CHTF18: variants seen among roughly 807,000 people sequenced by gnomAD.
CHTF18 encodes the protein chromosome transmission fidelity factor 18, also known as chromosome transmission fidelity protein 18 homolog.
In CHTF18, 151 loss-of-function variants were observed where a neutral mutation model predicts 113.4. That is an observed-to-expected ratio of 1.33 (90% CI 1.17 to 1.52). The LOEUF (loss-of-function observed/expected upper bound fraction) is 1.52. CHTF18 is among the 40% of genes most tolerant of loss of function. The pLI is 0.00. For missense variants in CHTF18, 1,982 were observed against 1,381.6 expected, an observed-to-expected ratio of 1.43 and a Z score of -6.89; for synonymous variants, 916 against 598.8, an observed-to-expected ratio of 1.53 and a Z score of -7.74.
At chr16:791,807 T>G (rs1477106826) in intron 8 of CHTF18, 44 bp from the exon 9 acceptor site, 1 of 1,559,184 alleles carries the variant, frequency 6.4e-7, no homozygotes, top group Non-Finnish European at 8.7e-7. Context: ...GGGAGCGTCC[T>G]GTAGGTGCGG....
In CHTF18 at chr16:789,193, G is replaced by T. The variant is rs758962354; in HGVS notation, c.287-17G>T. ...AGGCTGAGGAGGCCTCTGGTTCCCT[G>T]CATGTGTCTCCCCCAGCCCCCAGGA... On this transcript the variant is annotated splice_polypyrimidine_tract_variant and intron_variant, in intron 2 of 21. Coordinates refer to ENST00000262315, the MANE Select transcript of CHTF18 (RefSeq NM_022092.3). The T allele has an allele frequency of 2.6e-6, 4 of 1,550,460 alleles. No homozygotes were observed. Among genetic ancestry groups the T allele is most frequent in the Non-Finnish European group, 3.5e-6 (4 of 1,147,146 alleles).
At chr16:790,431 C>A (rs776146021) in intron 6 of CHTF18, 32 bp downstream of exon 6, 2 of 1,611,912 alleles carry the variant, frequency 1.2e-6, no homozygotes, top group East Asian at 2.2e-5. Flanking sequence ...CCCTGGGGAC[C>A]CTTGTTGGCT....
chr16:790,761 G>A (rs1439983871), intron 7 of CHTF18, 95 bp downstream of exon 7: 2 of 1,444,210 alleles, frequency 1.4e-6, no homozygotes, highest in East Asian at 2.5e-5. Flanking sequence ...CAATCCACTG[G>A]GCCTCGGAGA....
intron 7 of CHTF18, 101 bp from the exon 8 acceptor site, chr16:791,060 C>T (rs2042182275): frequency 5.3e-6 from 8 of 1,502,850 alleles, no homozygotes; most frequent in East Asian, 4.9e-5. Context: ...CATCCTGTGG[C>T]TTGGCATCCC....
chr16:795,349 A>G lies in CHTF18; in HGVS notation c.2168A>G (p.Gln723Arg), dbSNP rs1567403547. 2 of 1,544,630 alleles carry G rather than the reference A, an allele frequency of 1.3e-6. No homozygotes were observed. Among genetic ancestry groups the G allele is most frequent in the Non-Finnish European group, 8.7e-7 (1 of 1,145,658 alleles). Reference sequence around the variant, plus strand: ...CCCAGGATCACCTTCCCCAGCAGCCAGCAGGAGGTGTGCTCGTCCCTGCAC... The same window carrying G: ...CCCAGGATCACCTTCCCCAGCAGCCGGCAGGAGGTGTGCTCGTCCCTGCAC... ...HTPRITFPSSQQEAQNRMSQM... is the reference protein window; with the variant it reads ...HTPRITFPSSRQEAQNRMSQM... The change falls in exon 16 of 22, where the codon CAG (glutamine) becomes CGG (arginine). Residue 723 changes from glutamine to arginine, a missense_variant. By Grantham distance (43) the Gln-to-Arg change is conservative. Coordinates refer to ENST00000262315, the MANE Select transcript of CHTF18 (RefSeq NM_022092.3).
chr16:796,175 T>A (rs2042341691), intron 18 of CHTF18, 98 bp downstream of exon 18: 1 of 1,469,732 alleles, frequency 6.8e-7, no homozygotes, highest in African/African-American at 1.4e-5. Context: ...GAAAGCACGG[T>A]CATGGCGTCT....
rs1036508986 is a variant in CHTF18 at position 796,773 on chromosome 16, A to C, written c.2513A>C (p.Tyr838Ser). 2 of 1,609,344 alleles carry C rather than the reference A, an allele frequency of 1.2e-6. No homozygotes were observed. Among genetic ancestry groups the C allele is most frequent in the African/African-American group, 2.7e-5 (2 of 75,012 alleles). Residue 838 changes from tyrosine (Y) to serine (S), a missense_variant, in exon 19 of 22, where the codon TAC becomes TCC. Tyr to Ser is a moderately radical substitution (Grantham distance 144, BLOSUM62 -2). Transcript: ENST00000262315. The stretch of plus-strand genomic sequence containing the variant: ...CTGCCTGCCCGCAAGCCCCTCACCT[A>C]CCAGACGAAGCAGCTCATCGCCCGC... The part of the protein sequence containing the change: ...PELPARKPLT[Y>S]QTKQLIAREI...
rs763267311 is a variant in CHTF18, at chr16:795,254, C to T, written c.2073C>T (p.Ser691=). The change falls in exon 16 of 22, where the codon AGC becomes AGT. Residue 691 remains serine (S), a synonymous_variant. Transcript: ENST00000262315. ...CGGGGGCTGCTCATCACAGCCAGAGCTTCCAGCTGCTGCGCTACCCACCCT... is the reference window on the plus strand; with the variant it reads ...CGGGGGCTGCTCATCACAGCCAGAGTTTCCAGCTGCTGCGCTACCCACCCT... ...LLAGAAHHSQ[S]FQLLRYPPFL... 1.5e-5 allele frequency: 23 copies of T among 1,549,268 alleles called. No individual in the cohort carries two copies. Among genetic ancestry groups the T allele is most frequent in the South Asian group, 1.1e-4 (9 of 84,086 alleles).
rs186552727 is a variant in CHTF18, at chr16:793,482, C to T, written c.1802+208C>T. Among the ~76,000 whole-genome samples the T allele has an allele frequency of 5.3e-5, 8 of 152,280 alleles. 1 individual carries two copies. In the East Asian group the frequency reaches 1.4e-3, roughly 26 times the overall value. On this transcript the variant is annotated intron_variant, in intron 14 of 21. Coordinates refer to ENST00000262315, the MANE Select transcript of CHTF18 (RefSeq NM_022092.3). ...TTGGGGGGTCAGCTAGAGAAGCCTC[C>T]AGGGCCCCCTGTGGGAAGGACACCC...
At position 797,947 on chromosome 16, in the gene CHTF18, G is replaced by A. The variant is rs375692944; in HGVS notation, c.2900G>A (p.Arg967His). Reference protein sequence around the residue: ...FNEGVSNAVRRSLYIRDLL With the variant: ...FNEGVSNAVRHSLYIRDLL ...GAGGGTGTCTCCAACGCCGTGCGGC[G>A]CAGCCTGTACATCAGGGACTTGCTC... Residue 967 changes from arginine (R) to histidine (H), a missense_variant, in exon 22 of 22, where the codon CGC becomes CAC. Transcript: ENST00000262315. 3.5e-5 allele frequency: 57 copies of A among 1,612,118 alleles called. No individual in the cohort carries two copies. The highest frequency in any genetic ancestry group is 3.1e-4 in the African/African-American group (23 of 74,938).
chr16:791,063 G>T, intron 7 of CHTF18, 98 bp from the exon 8 acceptor site: 1 of 1,504,640 alleles, frequency 6.6e-7, no homozygotes. Context: ...CCTGTGGCTT[G>T]GCATCCCATG....
intron 14 of CHTF18, 28 bp from the exon 15 acceptor site, chr16:794,026 C>T: frequency 1.9e-6 from 3 of 1,599,920 alleles, no homozygotes; most frequent in Non-Finnish European, 2.6e-6. Flanking sequence ...TAACACGGGT[C>T]CATCTAGCTT....
Position 790,266 on chromosome 16 carries a change from C to T in CHTF18, c.696C>T (p.Gly232=), listed in dbSNP as rs543149772. 2.7e-5 allele frequency: 43 copies of T among 1,607,064 alleles called. No individual in the cohort carries two copies. The highest frequency in any genetic ancestry group is 3.3e-4 in the Middle Eastern group (2 of 6,054). The change falls in exon 5 of 22, where the codon GGC becomes GGT. Residue 232 remains glycine (G), a synonymous_variant. Coordinates refer to ENST00000262315, the MANE Select transcript of CHTF18 (RefSeq NM_022092.3). ...CCTCCCTGAAGAAGCAGGTCGACGG[C>T]GAGGTAGGGGCTGCGGGTTTGCTGG... ...SLASLKKQVD[G]ERRERLLQEA... is the part of the protein sequence containing the mutation.
rs536178178 is a variant in CHTF18, at chr16:797,627, C to T, written c.2734-67C>T. Reference sequence around the variant, plus strand: ...CCTCCCTGGGAAGGCTCTCGGTCCTCCTGTCTTGGGTAGGGGCTGGATGGG... The same window carrying T: ...CCTCCCTGGGAAGGCTCTCGGTCCTTCTGTCTTGGGTAGGGGCTGGATGGG... On this transcript the variant is annotated intron_variant, in intron 20 of 21. Transcript: ENST00000262315. 1.9e-5 allele frequency: 30 copies of T among 1,563,632 alleles called. No individual in the cohort carries two copies. The South Asian group carries it at 2.9e-4, about 15-fold the overall frequency.
At position 792,311 on chromosome 16, in the gene CHTF18, C is replaced by T. The variant is rs763443045; in HGVS notation, c.1290C>T (p.Asn430=). 1.4e-5 allele frequency: 21 copies of T among 1,553,468 alleles called. No homozygotes were observed. In the African/African-American group the frequency reaches 2.2e-4, roughly 16 times the overall value. ...ESVLGAGGKP[N]CLVIDEIDGA... ...TGCTGGGTGCTGGCGGGAAGCCCAA[C>T]TGCCTGGTCATCGATGAGATCGACG... The change falls in exon 10 of 22, where the codon AAC becomes AAT. Residue 430 remains asparagine (N), a synonymous_variant. Coordinates refer to ENST00000262315, the MANE Select transcript of CHTF18 (RefSeq NM_022092.3).
intron 14 of CHTF18, among the ~76,000 whole-genome samples, 173 bp downstream of exon 14, chr16:793,447 C>A (rs372666363): frequency 5.3e-5 from 8 of 152,162 alleles, no homozygotes; most frequent in Non-Finnish European, 8.8e-5. Flanking sequence ...TTGTTCTCGC[C>A]CCTACAGCCT....
rs766233284 is a variant in CHTF18 at position 795,752 on chromosome 16, C to T, written c.2243C>T (p.Thr748Met). Residue 748 changes from threonine (T) to methionine (M), a missense_variant, in exon 17 of 22, where the codon ACG (threonine) becomes ATG (methionine). Physicochemically the swap from Thr to Met is moderately conservative, Grantham distance 81. Coordinates refer to ENST00000262315, the MANE Select transcript of CHTF18 (RefSeq NM_022092.3). ...QTLVSGIAPA[T>M]RSRATPQALL... is the part of the protein sequence containing the mutation. Reference sequence around the variant, plus strand: ...CTGGTGTCCGGCATCGCGCCAGCCACGCGCAGCCGGGCCACGCCCCAGGCC... The same window carrying T: ...CTGGTGTCCGGCATCGCGCCAGCCATGCGCAGCCGGGCCACGCCCCAGGCC... The T allele has an allele frequency of 9.9e-6, 16 of 1,608,884 alleles. No individual in the cohort carries two copies. Among genetic ancestry groups the T allele is most frequent in the East Asian group, 2.2e-5 (1 of 44,670 alleles).
At chr16:790,960 C>T (rs2151642862) in intron 7 of CHTF18, 6 of 1,436,470 alleles carry the variant, frequency 4.2e-6, no homozygotes, top group East Asian at 2.5e-5. Context: ...GCAGGGGCCT[C>T]CCAGATGGGT....
chr16:794,981 A>C, intron 15 of CHTF18, 151 bp from the exon 16 acceptor site: 1 of 630,788 alleles, frequency 1.6e-6, no homozygotes, highest in Non-Finnish European at 2.7e-6. Context: ...TCAGACGCCC[A>C]GCGTCGTGGG....
Sources: allele counts gnomAD v4.1 joint callset (sites outside exome capture counted in the v4.1 genomes callset), GRCh38; gene constraint gnomAD v4.1.1; transcripts MANE v1.5; gene names NCBI Gene and HGNC (gene_info 2026-07-23, HGNC 2026-07-21).